Variants in MOB4 observed in about 807,000 individuals in gnomAD.
MOB4 encodes the protein MOB family member 4, phocein.
MOB4 carries 4 observed loss-of-function variants against 32.2 expected under a neutral mutation model. The observed-to-expected ratio is 0.12, with a 90% CI of 0.06 to 0.28. The LOEUF (loss-of-function observed/expected upper bound fraction) is 0.28, where lower values mean the gene tolerates loss of function less well. Ranked by LOEUF, MOB4 falls within the 10% of genes least tolerant of loss-of-function variation. The pLI is 1.00. For synonymous variants in MOB4, 88 were observed against 88.1 expected (o/e 1.00, Z 0.01); for missense variants, 158 against 271.2 (o/e 0.58, Z 2.93).
At chr2:197,524,995 G>T (rs2086584373) in intron 2 of MOB4, among the ~76,000 whole-genome samples, 1 of 152,028 alleles carries the variant, frequency 6.6e-6, no homozygotes, top group African/African-American at 2.4e-5. Flanking sequence ...CATTTTTAAA[G>T]GGAAAATATA....
chr2:197,518,731 T>A (rs1303165898), intron 1 of MOB4, among the ~76,000 whole-genome samples: 1 of 151,488 alleles, frequency 6.6e-6, no homozygotes, highest in African/African-American at 2.4e-5. Flanking sequence ...CCCGGCTAAT[T>A]TTATTTTTAT....
intron 2 of MOB4, among the ~76,000 whole-genome samples, chr2:197,526,680 G>A (rs1026918652): frequency 1.3e-5 from 2 of 152,048 alleles, no homozygotes; most frequent in African/African-American, 4.8e-5. Flanking sequence ...TTAGGCCCAG[G>A]GTTTTCTTTG....
At chr2:197,522,160 A>G (rs950069244) in intron 1 of MOB4, among the ~76,000 whole-genome samples, 1 of 152,084 alleles carries the variant, frequency 6.6e-6, no homozygotes, top group Non-Finnish European at 1.5e-5. Context: ...GGGGTCCCTG[A>G]CTTCCTGCAA....
chr2:197,522,492 G>A (rs946505311), intron 1 of MOB4, among the ~76,000 whole-genome samples: 2 of 151,158 alleles, frequency 1.3e-5, no homozygotes, highest in Non-Finnish European at 3.0e-5. Context: ...CACCATGCCC[G>A]GCTATTTTTT....
Position 197,550,715 on chromosome 2 carries a change from CATCA to C in MOB4, c.*74_*77del, listed in dbSNP as rs1368010280. 4.8e-6 allele frequency: 7 copies of C among 1,457,004 alleles called. No individual in the cohort carries two copies. In the Admixed American group the frequency reaches 1.6e-4, roughly 32 times the overall value. The allele number at this position is 1,457,004 out of a possible 1,614,324, so 90.3% of individuals were successfully genotyped here. On this transcript the variant is annotated 3_prime_UTR_variant, in exon 8 of 8. Coordinates refer to ENST00000323303, the MANE Select transcript of MOB4 (RefSeq NM_015387.5). Reference sequence around the variant, plus strand: ...TGTACTGTATATATCATTTTAGACACATCAATCATGTATCCATATTATAGCTTCT... The same window carrying C: ...TGTACTGTATATATCATTTTAGACACATCATGTATCCATATTATAGCTTCT...
At chr2:197,534,381 A>T (rs2086760241) in intron 2 of MOB4, among the ~76,000 whole-genome samples, 1 of 151,940 alleles carries the variant, frequency 6.6e-6, no homozygotes, top group African/African-American at 2.4e-5. Flanking sequence ...ATTGAAAGTG[A>T]CCCTCCCTTG....
rs1395003244 is a variant in MOB4 at position 197,552,717 on chromosome 2, C to T, written c.*2071C>T. 1 of 152,210 alleles carries T rather than the reference C, an allele frequency of 6.6e-6. No individual in the cohort carries two copies. Among genetic ancestry groups the T allele is most frequent in the Non-Finnish European group, 1.5e-5 (1 of 68,010 alleles). The allele number at this position is 152,210 out of a possible 1,614,324, so 9.4% of individuals were successfully genotyped here. Reference sequence around the variant, plus strand: ...TAGGTAAGACCTAAGTGAAACAGTTCCTGTTTTTCCTTAATACTGTTTTCA... The same window carrying T: ...TAGGTAAGACCTAAGTGAAACAGTTTCTGTTTTTCCTTAATACTGTTTTCA... On this transcript the variant is annotated 3_prime_UTR_variant, in exon 8 of 8. Transcript: ENST00000323303.
At chr2:197,528,093 T>C (rs1338022812) in intron 2 of MOB4, among the ~76,000 whole-genome samples, 3 of 152,218 alleles carry the variant, frequency 2.0e-5, no homozygotes, top group Non-Finnish European at 2.9e-5. Flanking sequence ...TATTTCTTAG[T>C]TCATTTTGAC....
At chr2:197,550,435 G>A in intron 7 of MOB4, 49 bp downstream of exon 7, 1 of 1,596,748 alleles carries the variant, frequency 6.3e-7, no homozygotes, top group Non-Finnish European at 8.5e-7. Context: ...CAGTGTAACA[G>A]TAATATATAT....
At chr2:197,523,539 G>T in intron 1 of MOB4, 85 bp from the exon 2 acceptor site, 1 of 1,380,966 alleles carries the variant, frequency 7.2e-7, no homozygotes, top group South Asian at 1.3e-5. Flanking sequence ...TTCCCCTCTA[G>T]TGTGAGCTTT....
chr2:197,524,097 C>T (rs1416965772), intron 2 of MOB4, among the ~76,000 whole-genome samples: 1 of 152,156 alleles, frequency 6.6e-6, no homozygotes, highest in Non-Finnish European at 1.5e-5. Context: ...ATTAGCCAGG[C>T]ATGGTGGCAC....
intron 1 of MOB4, chr2:197,516,731 C>A (rs1481366507): frequency 2.1e-6 from 1 of 471,474 alleles, no homozygotes; most frequent in Non-Finnish European, 4.4e-6. Context: ...AGCAAGTTTT[C>A]ATCACTAAGT....
intron 6 of MOB4, among the ~76,000 whole-genome samples, chr2:197,548,673 C>T (rs572229420): frequency 3.3e-5 from 5 of 151,260 alleles, no homozygotes; most frequent in Admixed American, 1.3e-4. Context: ...TTAGGTTGCT[C>T]GTTAATGCAT....
chr2:197,531,030 ATTTTAT>A (rs762943895), intron 2 of MOB4, among the ~76,000 whole-genome samples: 63 of 150,424 alleles, frequency 4.2e-4, no homozygotes, highest in Non-Finnish European at 5.8e-4. Flanking sequence ...CATTTTTGCT[ATTTTAT>A]TTTTATTTTT....
intron 3 of MOB4, among the ~76,000 whole-genome samples, chr2:197,536,548 A>G (rs1029736738): frequency 2.8e-5 from 4 of 142,336 alleles, no homozygotes; most frequent in Admixed American, 1.4e-4. Context: ...AACCGCTAAT[A>G]TAGTATTTCC....
intron 3 of MOB4, among the ~76,000 whole-genome samples, chr2:197,537,655 A>G (rs1282460026): frequency 6.6e-6 from 1 of 152,240 alleles, no homozygotes; most frequent in African/African-American, 2.4e-5. Context: ...ATATGAATGC[A>G]CAATAATTCA....
rs13727 is a variant in MOB4, at chr2:197,551,306, G to A, written c.*660G>A. ...TGGTACATACAGGATGATCACAATG[G>A]TAAGGCACATAAATTATTTTCCCAC... On this transcript the variant is annotated 3_prime_UTR_variant, in exon 8 of 8. Transcript: ENST00000323303. The A allele has an allele frequency of 0.027, 4,097 of 152,730 alleles. 78 individuals are homozygous for A. Among genetic ancestry groups the A allele is most frequent in the Middle Eastern group, 0.041 (12 of 294 alleles). 9.5% of individuals were successfully genotyped at this position (152,730 alleles called of 1,614,324 possible). A position where few individuals can be genotyped will look rare whatever the true frequency, so the allele number is the denominator to read the frequency against.
At chr2:197,540,533 T>G in intron 5 of MOB4, 96 bp downstream of exon 5, 2 of 1,172,440 alleles carry the variant, frequency 1.7e-6, no homozygotes, top group Non-Finnish European at 2.3e-6. Context: ...TTTAGTTCAC[T>G]GTTCATTTTG....
At chr2:197,543,819 A>T (rs1430220956) in intron 5 of MOB4, among the ~76,000 whole-genome samples, 2 of 150,864 alleles carry the variant, frequency 1.3e-5, no homozygotes, top group Non-Finnish European at 3.0e-5. Flanking sequence ...GCTCACTGCA[A>T]CCTCCGCTTC....
Sources: allele counts gnomAD v4.1 joint callset (sites outside exome capture counted in the v4.1 genomes callset), GRCh38; gene constraint gnomAD v4.1.1; transcripts MANE v1.5; gene names NCBI Gene and HGNC (gene_info 2026-07-23, HGNC 2026-07-21).